Variants in FAM217A observed in about 807,000 individuals in gnomAD.
FAM217A encodes protein FAM217A.
Under a neutral mutation model 18.5 loss-of-function variants are expected in FAM217A, and 13 were observed. That is an observed-to-expected ratio of 0.70 (90% confidence interval 0.46 to 1.12). The LOEUF is 1.12. FAM217A is among the 50% of genes most tolerant of loss of function. The probability of loss-of-function intolerance (pLI) is 0.00; values close to 1 mark genes in which losing one functional copy is unlikely to be tolerated. For missense variants in FAM217A, 560 were observed against 575.4 expected, an observed-to-expected ratio of 0.97 and a Z score of 0.27; for synonymous variants, 161 against 202.8, an observed-to-expected ratio of 0.79 and a Z score of 1.75.
Position 4,069,229 on chromosome 6 carries a change from G to A in FAM217A, c.994C>T (p.Gln332Ter), listed in dbSNP as rs746722950. The change falls in exon 7 of 7, where the codon CAG becomes TAG. Residue 332 changes from glutamine (Q) to a stop codon, truncating the protein, a stop_gained. Transcript: ENST00000274673. LOFTEE classifies it low-confidence loss of function (END_TRUNC). Reference protein sequence around the residue: ...SSSKATPKVRQPKLCDSLSLQ... With the variant: ...SSSKATPKVR ...CTCAAAGAGTCGCAAAGTTTTGGCTGTCTCACTTTTGGTGTAGCTTTGGAG... is the reference window on the plus strand; with the variant it reads ...CTCAAAGAGTCGCAAAGTTTTGGCTATCTCACTTTTGGTGTAGCTTTGGAG... 5.6e-6 allele frequency: 9 copies of A among 1,614,052 alleles called. No individual in the cohort carries two copies. The highest frequency in any genetic ancestry group is 7.6e-6 in the Non-Finnish European group (9 of 1,180,042).
At chr6:4,081,099 A>C (rs888628385), upstream of FAM217A, among the ~76,000 whole-genome samples, 2 of 152,206 alleles carry the variant, frequency 1.3e-5, no homozygotes, top group Non-Finnish European at 2.9e-5. Flanking sequence ...AGTGCCTGGC[A>C]TGTACTGTAG....
At chr6:4,070,417 A>G (rs1482067195) in intron 6 of FAM217A, among the ~76,000 whole-genome samples, 2 of 152,234 alleles carry the variant, frequency 1.3e-5, no homozygotes, top group African/African-American at 4.8e-5. Flanking sequence ...TACTGTAACA[A>G]AAAAGGAAGC....
At chr6:4,080,263 C>T (rs113063577), upstream of FAM217A, among the ~76,000 whole-genome samples, 48 of 152,326 alleles carry the variant, frequency 3.2e-4, no homozygotes, top group African/African-American at 1.1e-3. Context: ...TTTAAAGAAG[C>T]TCTTCCCACC....
chr6:4,078,084 C>T lies in FAM217A; in HGVS notation c.-34-636G>A, dbSNP rs1471807301. Reference sequence around the variant, plus strand: ...TTTTTTTTTTTTTGAGACAGAGTCTCGCTCTGTTGCCCAGACTGGAGTGCA... The same window carrying T: ...TTTTTTTTTTTTTGAGACAGAGTCTTGCTCTGTTGCCCAGACTGGAGTGCA... On this transcript the variant is annotated intron_variant, in intron 1 of 6. Transcript: ENST00000274673. 5.1e-5 allele frequency among the ~76,000 whole-genome samples: 7 copies of T among 138,328 alleles called. No individual in the cohort carries two copies. In the East Asian group the frequency reaches 8.3e-4, roughly 16 times the overall value. 90.7% of individuals were successfully genotyped at this position (138,328 alleles called of 152,430 possible).
chr6:4,079,264 G>A (rs1054922686), upstream of FAM217A: 44 of 170,836 alleles, frequency 2.6e-4, no homozygotes, highest in East Asian at 5.2e-3. Flanking sequence ...CCTCTCGGGG[G>A]TCACCCGGCC....
At chr6:4,074,358 T>C (rs936447540) in intron 4 of FAM217A, 85 bp downstream of exon 4, 1 of 1,186,886 alleles carries the variant, frequency 8.4e-7, no homozygotes, top group Non-Finnish European at 1.2e-6. Context: ...AGTTTAACTT[T>C]CAGGAAGAAA....
Position 4,069,457 on chromosome 6 carries a change from A to G in FAM217A, c.766T>C (p.Phe256Leu), listed in dbSNP as rs1561919572. The change falls in exon 7 of 7, where the codon TTC becomes CTC. Residue 256 changes from phenylalanine (F) to leucine (L), a missense_variant. Coordinates refer to ENST00000274673, the MANE Select transcript of FAM217A (RefSeq NM_173563.3). Reference protein sequence around the residue: ...FPYPDFLPPPFSALDLHNLAL... With the variant: ...FPYPDFLPPPLSALDLHNLAL... ...AAATTGTGCAAGTCTAGAGCACTGA[A>G]AGGAGGAGGGAGAAAATCAGGATAT... The G allele has an allele frequency of 5.0e-6, 8 of 1,614,094 alleles. No homozygotes were observed. In the Admixed American group the frequency reaches 1.2e-4, roughly 24 times the overall value.
chr6:4,083,556 TC>T (rs113757357), upstream of FAM217A, among the ~76,000 whole-genome samples: 2,640 of 147,898 alleles, frequency 0.018, 85 homozygotes, highest in African/African-American at 0.064. Context: ...TCTTTTCTTT[TC>T]TTTTTTTTTT....
Position 4,078,802 on chromosome 6 carries a change from G to A in FAM217A, c.-35+50C>T, listed in dbSNP as rs78652484. 2,238 of 432,048 alleles carry A rather than the reference G, an allele frequency of 5.2e-3. 40 individuals carry two copies. Among genetic ancestry groups the A allele is most frequent in the African/African-American group, 0.042 (2,033 of 48,852 alleles). The allele number at this position is 432,048 out of a possible 1,614,324, so 26.8% of individuals were successfully genotyped here. On this transcript the variant is annotated intron_variant, in intron 1 of 6. Transcript: ENST00000274673. ...CTGGGTGGGGAGCCCAGTTCCAGGG[G>A]TAGCAGGAGGGGGCTGCGGGATTCC...
intron 2 of FAM217A, among the ~76,000 whole-genome samples, chr6:4,075,651 A>G (rs1259019935): frequency 6.6e-6 from 1 of 152,222 alleles, no homozygotes; most frequent in Non-Finnish European, 1.5e-5. Context: ...ATTCGTTTAT[A>G]AGAAAGTAAC....
In FAM217A at chr6:4,069,078, C is replaced by G. The variant is rs963912502; in HGVS notation, c.1145G>C (p.Arg382Thr). Residue 382 changes from arginine to threonine, a missense_variant, in exon 7 of 7, where the codon AGA becomes ACA. Coordinates refer to ENST00000274673, the MANE Select transcript of FAM217A (RefSeq NM_173563.3). ...SNAGKYRWNSRPLSLKSSSTP... is the reference protein window; with the variant it reads ...SNAGKYRWNSTPLSLKSSSTP... ...GGAAGAACTTTTTAGAGACAGTGGT[C>G]TAGAATTCCATCTATATTTGCCAGC... 1.2e-6 allele frequency: 2 copies of G among 1,614,138 alleles called. No homozygotes were observed. Among genetic ancestry groups the G allele is most frequent in the Non-Finnish European group, 1.7e-6 (2 of 1,180,022 alleles).
upstream of FAM217A, chr6:4,087,210 T>C: frequency 1.2e-6 from 1 of 838,736 alleles, no homozygotes; most frequent in Non-Finnish European, 1.6e-6. Context: ...CGCTTTCCCC[T>C]CTTCCTTTTA....
At chr6:4,076,526 G>A (rs1266867919) in intron 2 of FAM217A, among the ~76,000 whole-genome samples, 2 of 152,112 alleles carry the variant, frequency 1.3e-5, no homozygotes, top group African/African-American at 4.8e-5. Flanking sequence ...TGTATGAAAT[G>A]CACGTGAGAG....
upstream of FAM217A, among the ~76,000 whole-genome samples, chr6:4,080,862 C>T (rs1217076431): frequency 6.7e-6 from 1 of 150,086 alleles, no homozygotes; most frequent in Non-Finnish European, 1.5e-5. Flanking sequence ...TTCTAACTCA[C>T]AAGTCATTTT....
upstream of FAM217A, among the ~76,000 whole-genome samples, chr6:4,080,542 G>A (rs1244616737): frequency 1.3e-5 from 2 of 150,458 alleles, no homozygotes; most frequent in Non-Finnish European, 2.9e-5. Context: ...CTCATTCCTT[G>A]CAGCCTCCTT....
At chr6:4,078,494 A>G (rs682063) in intron 1 of FAM217A, among the ~76,000 whole-genome samples, 36,361 of 151,900 alleles carry the variant, frequency 0.24, 4,868 homozygotes, top group East Asian at 0.42. Context: ...TTGGTCCACG[A>G]GTGTGTGCAT....
chr6:4,077,554 G>T, intron 1 of FAM217A, 106 bp from the exon 2 acceptor site: 1 of 953,710 alleles, frequency 1.0e-6, no homozygotes, highest in Non-Finnish European at 1.6e-6. Context: ...AGAATGCTTA[G>T]AAAGCAGAAG....
At chr6:4,080,014 C>CCA (rs751043838), upstream of FAM217A, among the ~76,000 whole-genome samples, 7 of 152,146 alleles carry the variant, frequency 4.6e-5, no homozygotes, top group Non-Finnish European at 1.0e-4. Context: ...ATCATCACCC[C>CCA]CACCTTTTGA....
chr6:4,069,907 AT>A lies in FAM217A; in HGVS notation c.315del (p.Lys105AsnfsTer10). The A allele has an allele frequency of 6.4e-7, 1 of 1,565,792 alleles. No homozygotes were observed. The highest frequency in any genetic ancestry group is 8.6e-7 in the Non-Finnish European group (1 of 1,157,338). On this transcript the variant is annotated frameshift_variant, in exon 7 of 7. Coordinates refer to ENST00000274673, the MANE Select transcript of FAM217A (RefSeq NM_173563.3). LOFTEE classifies it low-confidence loss of function (END_TRUNC). Reference sequence around the variant, plus strand: ...ACATTAAAGCCAGTTTCCACTGAAGATTTTTTGAATTCCCTTTAAAAAATAA... The same window carrying A: ...ACATTAAAGCCAGTTTCCACTGAAGATTTTTGAATTCCCTTTAAAAAATAA... ...GSTIEKREFK[K>X]SSVETGFNVI... is the part of the protein sequence containing the mutation.
Sources: gnomAD v4.1 joint callset for allele counts (sites outside exome capture counted in the v4.1 genomes callset) on GRCh38, gnomAD v4.1.1 for gene constraint, MANE v1.5 for transcripts, NCBI Gene and HGNC (gene_info 2026-07-23, HGNC 2026-07-21) for gene names.